PIK3R3: variants seen among roughly 807,000 people sequenced by gnomAD.
The protein encoded by PIK3R3 is phosphoinositide-3-kinase regulatory subunit 3, also known as phosphatidylinositol 3-kinase regulatory subunit gamma.
In PIK3R3, 64 loss-of-function variants were observed where a neutral mutation model predicts 62.9. That is an observed-to-expected ratio of 1.02 (90% CI 0.83 to 1.25). The LOEUF (loss-of-function observed/expected upper bound fraction) is 1.25. PIK3R3 is among the 50% of genes most tolerant of loss of function. The pLI, the probability that PIK3R3 is intolerant of heterozygous loss-of-function variation, is 0.00. For missense variants in PIK3R3, 614 were observed against 561.6 expected, an observed-to-expected ratio of 1.09 and a Z score of -0.94; for synonymous variants, 165 against 189.0, an observed-to-expected ratio of 0.87 and a Z score of 1.04.
At position 46,131,889 on chromosome 1, in the gene PIK3R3, A is replaced by C. The variant is rs1392206045; in HGVS notation, c.64T>G (p.Tyr22Asp). The change falls in exon 1 of 10, where the codon TAT (tyrosine) becomes GAT (aspartate). Residue 22 changes from tyrosine to aspartate, a missense_variant. Transcript: ENST00000262741. ...DADWREVMMPYSTELIFYIEM... is the reference protein window; with the variant it reads ...DADWREVMMPDSTELIFYIEM... The stretch of plus-strand genomic sequence containing the variant: ...ATATAAAATATCAGTTCTGTCGAAT[A>C]GGGCATCATCACCTCCCTCCAGTCT... 1 of 1,613,266 alleles carries C rather than the reference A, an allele frequency of 6.2e-7. No homozygotes were observed. The highest frequency in any genetic ancestry group is 1.3e-5 in the African/African-American group (1 of 74,770).
chr1:46,068,100 C>T (rs1343714673), intron 3 of PIK3R3, among the ~76,000 whole-genome samples: 1 of 152,048 alleles, frequency 6.6e-6, no homozygotes, highest in Non-Finnish European at 1.5e-5. Context: ...TGTAAAAGGT[C>T]AAACACAGTA....
At chr1:46,062,118 T>C in intron 5 of PIK3R3, 47 bp from the exon 6 acceptor site, 1 of 1,531,124 alleles carries the variant, frequency 6.5e-7, no homozygotes, top group Non-Finnish European at 8.8e-7. Flanking sequence ...ATCTTTATTA[T>C]TTTCTTCTAA....
chr1:46,080,290 G>A (rs1650458672), intron 2 of PIK3R3, among the ~76,000 whole-genome samples: 3 of 151,648 alleles, frequency 2.0e-5, no homozygotes, highest in Non-Finnish European at 4.4e-5. Context: ...TCAAACTCCT[G>A]AGCTCGGGCA....
chr1:46,085,755 G>A (rs1423456253), intron 1 of PIK3R3, among the ~76,000 whole-genome samples: 2 of 152,192 alleles, frequency 1.3e-5, no homozygotes, highest in African/African-American at 2.4e-5. Context: ...TGCATTAGGT[G>A]AGCACTGCAA....
intron 1 of PIK3R3, among the ~76,000 whole-genome samples, chr1:46,100,095 A>G (rs995786509): frequency 2.6e-5 from 4 of 152,114 alleles, no homozygotes; most frequent in Admixed American, 2.6e-4. Flanking sequence ...TTTCTCCCAG[A>G]TGGGTTATCT....
intron 7 of PIK3R3, among the ~76,000 whole-genome samples, chr1:46,053,434 T>A (rs945160176): frequency 1.3e-5 from 2 of 152,204 alleles, no homozygotes; most frequent in African/African-American, 2.4e-5. Context: ...CCAAAATTCA[T>A]AGGTTGAAAA....
chr1:46,117,011 G>A (rs1362851031), intron 1 of PIK3R3, among the ~76,000 whole-genome samples: 1 of 152,140 alleles, frequency 6.6e-6, no homozygotes, highest in Non-Finnish European at 1.5e-5. Flanking sequence ...CAGAAAGCAA[G>A]AACTTCAGCA....
chr1:46,153,959 G>A, the PIK3R3 span, among the ~76,000 whole-genome samples: 1 of 152,332 alleles, frequency 6.6e-6, no homozygotes, highest in African/African-American at 2.4e-5. Flanking sequence ...CTTAGGACTT[G>A]ATCTAGAAGG....
rs1239388786 is a variant in PIK3R3 at position 46,093,704 on chromosome 1, A to G, written c.107-12954T>C. Among the ~76,000 whole-genome samples, 6 of 152,010 alleles carry G rather than the reference A, an allele frequency of 3.9e-5. No individual in the cohort carries two copies. The East Asian group carries it at 1.2e-3, about 29-fold the overall frequency. ...CAGGAGTTTAAGACCAGCCTAGGCA[A>G]ATTAGCCATGCGTGGTGGCAGGTGC... On this transcript the variant is annotated intron_variant, in intron 1 of 9. Coordinates refer to ENST00000262741, the MANE Select transcript of PIK3R3 (RefSeq NM_003629.4).
At position 46,132,368 on chromosome 1, in the gene PIK3R3, G is replaced by A; in HGVS notation, c.-416C>T. ...AAGAGGAAAAAAAAGAACACGTTGG[G>A]AGAAACCCGGGCAAGTGACAAAGGA... On this transcript the variant is annotated 5_prime_UTR_variant, in exon 1 of 10. Transcript: ENST00000262741. The A allele has an allele frequency of 8.9e-7, 1 of 1,122,402 alleles. No homozygotes were observed. Among genetic ancestry groups the A allele is most frequent in the Non-Finnish European group, 1.1e-6 (1 of 909,010 alleles). 69.5% of individuals were successfully genotyped at this position (1,122,402 alleles called of 1,614,324 possible).
chr1:46,130,915 A>G (rs920268201), intron 1 of PIK3R3, among the ~76,000 whole-genome samples: 3 of 152,022 alleles, frequency 2.0e-5, no homozygotes, highest in Admixed American at 6.6e-5. Context: ...ACTTTAAAGG[A>G]AAAAAAAGCC....
chr1:46,156,069 T>C, the PIK3R3 span, among the ~76,000 whole-genome samples: 3 of 152,116 alleles, frequency 2.0e-5, no homozygotes, highest in African/African-American at 7.2e-5. Context: ...CTTATATAAG[T>C]TGTAAAACGT....
chr1:46,152,314 GT>G, the PIK3R3 span, among the ~76,000 whole-genome samples: 1 of 151,842 alleles, frequency 6.6e-6, no homozygotes, highest in East Asian at 1.9e-4. Context: ...TCTCAGTAGA[GT>G]AGTACCCCAG....
At chr1:46,148,250 G>A in the PIK3R3 span, among the ~76,000 whole-genome samples, 2 of 152,232 alleles carry the variant, frequency 1.3e-5, no homozygotes, top group African/African-American at 4.8e-5. Flanking sequence ...TGACTTTTCA[G>A]TTGCAAGTGA....
chr1:46,127,971 T>C (rs1655240601), intron 1 of PIK3R3, among the ~76,000 whole-genome samples: 1 of 152,222 alleles, frequency 6.6e-6, no homozygotes, highest in South Asian at 2.1e-4. Context: ...AACTTTTACA[T>C]TACTATGACT....
At chr1:46,057,994 C>T (rs951676613) in intron 6 of PIK3R3, among the ~76,000 whole-genome samples, 13 of 152,158 alleles carry the variant, frequency 8.5e-5, no homozygotes, top group Non-Finnish European at 1.5e-4. Context: ...CCCATCAAGC[C>T]CTGGAGGCCT....
chr1:46,108,985 G>C (rs1003801596), intron 1 of PIK3R3, among the ~76,000 whole-genome samples: 8 of 152,140 alleles, frequency 5.3e-5, no homozygotes, highest in South Asian at 2.1e-4. Flanking sequence ...CGGTGAAACC[G>C]TGTCTCTACT....
intron 1 of PIK3R3, among the ~76,000 whole-genome samples, chr1:46,112,056 C>T (rs772590706): frequency 6.6e-6 from 1 of 152,084 alleles, no homozygotes; most frequent in East Asian, 1.9e-4. Flanking sequence ...TGTCCTCCTA[C>T]GTAAAACAAG....
In PIK3R3 at chr1:46,043,735, C is replaced by T. The variant is rs776413265; in HGVS notation, c.1324G>A (p.Asp442Asn). 8 of 1,614,064 alleles carry T rather than the reference C, an allele frequency of 5.0e-6. No individual in the cohort carries two copies. The highest frequency in any genetic ancestry group is 2.2e-5 in the East Asian group (1 of 44,896). Reference protein sequence around the residue: ...YQQTSLVQHNDSLNVRLAYPV... With the variant: ...YQQTSLVQHNNSLNVRLAYPV... The stretch of plus-strand genomic sequence containing the variant: ...TAGGCAAGCCTGACGTTGAGGGAGT[C>T]GTTGTGCTGAACCAAGGATGTCTGC... The change falls in exon 10 of 10, where the codon GAC becomes AAC. Residue 442 changes from aspartate (D) to asparagine (N), a missense_variant. Transcript: ENST00000262741.
Sources: allele counts gnomAD v4.1 joint callset (sites outside exome capture counted in the v4.1 genomes callset), GRCh38; gene constraint gnomAD v4.1.1; transcripts MANE v1.5; gene names NCBI Gene and HGNC (gene_info 2026-07-23, HGNC 2026-07-21).